The following GRID1 variants were observed in gnomAD, a reference collection of about 807,000 sequenced individuals.
GRID1 encodes the protein glutamate ionotropic receptor delta type subunit 1, also known as glutamate receptor ionotropic, delta-1.
A neutral mutation model predicts 98.0 loss-of-function variants in GRID1; 28 were observed. That is an observed-to-expected ratio of 0.29 (90% CI 0.21 to 0.39). GRID1 has a LOEUF of 0.39. Among genes scored for constraint, GRID1 ranks in the 10% least tolerant of loss-of-function variants. The pLI is 1.00. For synonymous variants in GRID1, 553 were observed against 538.5 expected (o/e 1.03, Z -0.37); for missense variants, 1,111 against 1,340.5 (o/e 0.83, Z 2.67).
At chr10:86,059,626 A>G (rs1174014935) in intron 4 of GRID1, among the ~76,000 whole-genome samples, 1 of 152,254 alleles carries the variant, frequency 6.6e-6, no homozygotes, top group African/African-American at 2.4e-5. Context: ...CCAACAAAGT[A>G]CCATTTGGGG....
intron 2 of GRID1, among the ~76,000 whole-genome samples, chr10:86,355,616 C>T (rs1183802280): frequency 2.0e-5 from 3 of 152,218 alleles, no homozygotes; most frequent in Admixed American, 6.5e-5. Flanking sequence ...TCTGCCCACA[C>T]CTCAGGCCCA....
At chr10:86,348,758 G>GATTCACT (rs1848424463) in intron 2 of GRID1, among the ~76,000 whole-genome samples, 8 of 152,346 alleles carry the variant, frequency 5.3e-5, no homozygotes, top group Admixed American at 4.6e-4. Flanking sequence ...AGGAGCTCCC[G>GATTCACT]GAAGCATTCA....
chr10:85,881,789 T>C (rs1198664312), intron 5 of GRID1, among the ~76,000 whole-genome samples: 2 of 152,006 alleles, frequency 1.3e-5, no homozygotes, highest in Non-Finnish European at 2.9e-5. Context: ...CTAATTAAAC[T>C]AAAGAGCTTC....
chr10:85,739,825 T>A (rs1841922878), intron 8 of GRID1, among the ~76,000 whole-genome samples: 1 of 152,180 alleles, frequency 6.6e-6, no homozygotes, highest in African/African-American at 2.4e-5. Context: ...TATAGTATGA[T>A]CCAACTTTTT....
chr10:86,024,461 A>G (rs1352618652), intron 4 of GRID1, among the ~76,000 whole-genome samples: 1 of 152,176 alleles, frequency 6.6e-6, no homozygotes, highest in Non-Finnish European at 1.5e-5. Flanking sequence ...GCATGCCTAC[A>G]ACTTCAATTG....
chr10:86,218,318 C>T (rs1846205591), intron 2 of GRID1, among the ~76,000 whole-genome samples: 1 of 152,154 alleles, frequency 6.6e-6, no homozygotes, highest in African/African-American at 2.4e-5. Context: ...AGGCTCTCAT[C>T]TCCACCCTGC....
intron 4 of GRID1, among the ~76,000 whole-genome samples, chr10:86,114,200 T>C (rs1844537071): frequency 6.6e-6 from 1 of 152,062 alleles, no homozygotes; most frequent in South Asian, 2.1e-4. Context: ...GCAGTATACG[T>C]TCCTGGCTCC....
chr10:86,079,258 T>C (rs1484329548), intron 4 of GRID1, among the ~76,000 whole-genome samples: 1 of 152,190 alleles, frequency 6.6e-6, no homozygotes, highest in Non-Finnish European at 1.5e-5. Flanking sequence ...TTTTAGCAAA[T>C]GGCCTGGATA....
At chr10:86,018,267 C>T (rs1843004532) in intron 4 of GRID1, among the ~76,000 whole-genome samples, 1 of 152,210 alleles carries the variant, frequency 6.6e-6, no homozygotes, top group Non-Finnish European at 1.5e-5. Flanking sequence ...CACAACCAAA[C>T]CCTGGCATCA....
At chr10:86,083,961 G>A (rs529783674) in intron 4 of GRID1, among the ~76,000 whole-genome samples, 4 of 152,340 alleles carry the variant, frequency 2.6e-5, no homozygotes, top group African/African-American at 7.2e-5. Context: ...AAGGGAAGGG[G>A]CGAGGCTTCT....
chr10:85,872,230 G>T (rs1843285524), intron 5 of GRID1, among the ~76,000 whole-genome samples: 1 of 152,140 alleles, frequency 6.6e-6, no homozygotes, highest in Admixed American at 6.5e-5. Context: ...AGGTTAGTTA[G>T]TTTTACCTGA....
chr10:85,865,139 G>A (rs1843202477), intron 6 of GRID1, among the ~76,000 whole-genome samples: 1 of 152,136 alleles, frequency 6.6e-6, no homozygotes, highest in African/African-American at 2.4e-5. Flanking sequence ...AGTCAGACAA[G>A]TCCTAAACTA....
intron 8 of GRID1, among the ~76,000 whole-genome samples, 155 bp downstream of exon 8, chr10:85,854,341 A>C (rs1186717649): frequency 1.3e-5 from 2 of 152,150 alleles, no homozygotes; most frequent in Non-Finnish European, 2.9e-5. Context: ...CATGCCCTAT[A>C]AACACCAGCC....
intron 8 of GRID1, among the ~76,000 whole-genome samples, chr10:85,738,315 T>C (rs201050899): frequency 6.8e-4 from 104 of 152,300 alleles, no homozygotes; most frequent in East Asian, 2.1e-3. Context: ...ATCAGGGAAC[T>C]GCAAAGTAAG....
At chr10:85,904,992 TTA>T (rs1841440196) in intron 5 of GRID1, among the ~76,000 whole-genome samples, 1 of 151,820 alleles carries the variant, frequency 6.6e-6, no homozygotes, top group African/African-American at 2.4e-5. Context: ...TTGATGAAAA[TTA>T]TAAGTACACA....
chr10:85,916,373 G>A lies in GRID1; in HGVS notation c.727-134C>T, dbSNP rs1841620813. 2.7e-6 allele frequency: 2 copies of A among 742,788 alleles called. No individual in the cohort carries two copies. Among genetic ancestry groups the A allele is most frequent in the Admixed American group, 2.1e-5 (1 of 47,600 alleles). The allele number at this position is 742,788 out of a possible 1,614,324, so 46.0% of individuals were successfully genotyped here. ...CCTCACAAAACATGCCATCCCCCTG[G>A]GGCCTGCTCTGGCTGCCTTAGCTGC... On this transcript the variant is annotated intron_variant, in intron 4 of 15. Transcript: ENST00000327946. This position sits in a 1 kb window ranked among gnomAD's most constrained non-coding sequence, Gnocchi z 4.0.
Position 86,355,149 on chromosome 10 carries a change from C to A in GRID1, c.235+8792G>T, listed in dbSNP as rs1438623852. On this transcript the variant is annotated intron_variant, in intron 2 of 15. Coordinates refer to ENST00000327946, the MANE Select transcript of GRID1 (RefSeq NM_017551.3). Reference sequence around the variant, plus strand: ...ATTCTAGTGCATTTCCTCAACTGATCCTCTCAGCTGTCCTCTATTCCATTT... The same window carrying A: ...ATTCTAGTGCATTTCCTCAACTGATACTCTCAGCTGTCCTCTATTCCATTT... Among the ~76,000 whole-genome samples the A allele has an allele frequency of 2.0e-5, 3 of 152,260 alleles. No individual in the cohort carries two copies. In the East Asian group the frequency reaches 5.8e-4, roughly 29 times the overall value.
chr10:86,338,904 T>TA (rs1156832603), intron 2 of GRID1, among the ~76,000 whole-genome samples: 2 of 152,068 alleles, frequency 1.3e-5, no homozygotes, highest in Non-Finnish European at 2.9e-5. Context: ...TTCACACAAA[T>TA]ACCCTGGGTG....
At chr10:85,827,809 A>G (rs531905067) in intron 8 of GRID1, among the ~76,000 whole-genome samples, 3 of 152,350 alleles carry the variant, frequency 2.0e-5, no homozygotes, top group Non-Finnish European at 2.9e-5. Context: ...CCTTGAAAAG[A>G]GACTGAGATA....
Sources: allele counts gnomAD v4.1 joint callset (sites outside exome capture counted in the v4.1 genomes callset), GRCh38; gene constraint gnomAD v4.1.1; non-coding constraint Gnocchi (gnomAD v3.1); transcripts MANE v1.5; gene names NCBI Gene and HGNC (gene_info 2026-07-23, HGNC 2026-07-21).